Variants in SPG7 observed in about 807,000 individuals in gnomAD.
The protein encoded by SPG7 is SPG7 matrix AAA peptidase subunit, paraplegin, also known as mitochondrial inner membrane m-AAA protease component paraplegin.
A neutral mutation model predicts 81.9 loss-of-function variants in SPG7; 103 were observed. The ratio of observed to expected loss-of-function variants is 1.26; its 90% CI spans 1.07 to 1.48. The LOEUF (loss-of-function observed/expected upper bound fraction) is 1.48. SPG7 is among the 40% of genes most tolerant of loss of function. SPG7 has a pLI of 0.00. For synonymous variants in SPG7, 534 were observed against 444.2 expected (o/e 1.20, Z -2.54); for missense variants, 1,241 against 1,087.3 (o/e 1.14, Z -1.99).
In SPG7 at chr16:89,529,475, A is replaced by T; in HGVS notation, c.759-2A>T. On this transcript the variant is annotated splice_acceptor_variant, in intron 5 of 16. Transcript: ENST00000645818. LOFTEE classifies it high-confidence loss of function. Reference sequence around the variant, plus strand: ...TGTGCCTGCCTCTCTTTCTTCCGGCAGTGCCCTGTACTCTGTGGGGATGAC... The same window carrying T: ...TGTGCCTGCCTCTCTTTCTTCCGGCTGTGCCCTGTACTCTGTGGGGATGAC... 6.2e-7 allele frequency: 1 copy of T among 1,609,184 alleles called. No individual in the cohort carries two copies. The highest frequency in any genetic ancestry group is 8.5e-7 in the Non-Finnish European group (1 of 1,176,228).
At chr16:89,545,549 TGGCTTCTCCAGGGGACAC>T (rs1285035543) in intron 10 of SPG7, 25 of 201,140 alleles carry the variant, frequency 1.2e-4, no homozygotes, top group African/African-American at 4.1e-4. Context: ...CCAGGGGACA[TGGCTTCTCCAGGGGACAC>T]GGCTTCTCCA....
At chr16:89,549,825 C>T (rs2058612148) in intron 12 of SPG7, 2 of 166,098 alleles carry the variant, frequency 1.2e-5, no homozygotes, top group South Asian at 1.5e-4. Context: ...GAGGCCTCTG[C>T]CCATCCTGCC....
chr16:89,510,550 C>T lies in SPG7; in HGVS notation c.244C>T (p.Gln82Ter), dbSNP rs146115797. ...FEGINGLLLK[Q>*]HLVQNPVRLW... is the part of the protein sequence containing the mutation. ...AGGGATCAACGGATTGTTGTTGAAA[C>T]AACATTTAGTTCAGAATCCAGTCAG... The change falls in exon 2 of 17, where the codon CAA becomes TAA. Residue 82 changes from glutamine to a stop codon, truncating the protein, a stop_gained. Coordinates refer to ENST00000645818, the MANE Select transcript of SPG7 (RefSeq NM_003119.4). LOFTEE classifies it high-confidence loss of function. 4.4e-6 allele frequency: 7 copies of T among 1,600,242 alleles called. No homozygotes were observed. In the East Asian group the frequency reaches 1.6e-4, roughly 36 times the overall value.
chr16:89,510,267 G>A (rs1221592013), intron 1 of SPG7, among the ~76,000 whole-genome samples: 3 of 152,108 alleles, frequency 2.0e-5, no homozygotes, highest in Non-Finnish European at 4.4e-5. Flanking sequence ...GAGCCACCAC[G>A]CCTGGCCAAT....
chr16:89,534,399 G>A (rs549206911), intron 9 of SPG7, among the ~76,000 whole-genome samples: 3 of 152,218 alleles, frequency 2.0e-5, no homozygotes, highest in Admixed American at 6.5e-5. Context: ...TTATTTGCCC[G>A]TCGGTGGACA....
rs2058263680 is a variant in SPG7, at chr16:89,526,616, A to G, written c.758+148A>G. On this transcript the variant is annotated intron_variant, in intron 5 of 16. Coordinates refer to ENST00000645818, the MANE Select transcript of SPG7 (RefSeq NM_003119.4). ...GAGGGTTAAATAAATATAGAAGTGA[A>G]TGATACAATGCCAGGAGATTTGGAA... The G allele has an allele frequency of 3.6e-6, 3 of 825,000 alleles. No homozygotes were observed. The African/African-American group carries it at 5.1e-5, about 14-fold the overall frequency. The allele number at this position is 825,000 out of a possible 1,614,324, so 51.1% of individuals were successfully genotyped here.
At chr16:89,555,998 G>GT (rs1390221878) in intron 16 of SPG7, 11 of 398,676 alleles carry the variant, frequency 2.8e-5, no homozygotes, top group Non-Finnish European at 4.4e-5. Flanking sequence ...AGGCCTGCCT[G>GT]TGGACCCATG....
Position 89,524,036 on chromosome 16 carries a change from A to G in SPG7, c.407A>G (p.Gln136Arg). ...AGGAGACGCCGTGAGCGGGACGACC[A>G]GATGTACCGAGAGCGGCTGCGCACC... ...EERRRRERDD[Q>R]MYRERLRTLL... Residue 136 changes from glutamine to arginine, a missense_variant, in exon 4 of 17, where the codon CAG becomes CGG. Coordinates refer to ENST00000645818, the MANE Select transcript of SPG7 (RefSeq NM_003119.4). 1 of 1,613,422 alleles carries G rather than the reference A, an allele frequency of 6.2e-7. No homozygotes were observed. Among genetic ancestry groups the G allele is most frequent in the East Asian group, 2.2e-5 (1 of 44,884 alleles).
chr16:89,540,294 A>G (rs1222741553), intron 9 of SPG7: 1 of 152,180 alleles, frequency 6.6e-6, no homozygotes, highest in African/African-American at 2.4e-5. Context: ...AGCTAGAGTA[A>G]AGAGCAGTGA....
rs1419183366 is a variant in SPG7 at position 89,531,939 on chromosome 16, C to T, written c.1023C>T (p.Val341=). 1 of 1,614,012 alleles carries T rather than the reference C, an allele frequency of 6.2e-7. No homozygotes were observed. The highest frequency in any genetic ancestry group is 8.5e-7 in the Non-Finnish European group (1 of 1,179,978). The change falls in exon 8 of 17, where the codon GTC becomes GTT. Residue 341 remains valine, a synonymous_variant. Transcript: ENST00000645818. ...PERFLQLGAK[V]PKGALLLGPP... ...GCTTCCTCCAGCTTGGCGCCAAGGTCCCAAAGGGCGCACTGCTGCTCGGCC... is the reference window on the plus strand; with the variant it reads ...GCTTCCTCCAGCTTGGCGCCAAGGTTCCAAAGGGCGCACTGCTGCTCGGCC...
intron 11 of SPG7, chr16:89,547,082 C>T: frequency 2.7e-6 from 1 of 364,646 alleles, no homozygotes; most frequent in Non-Finnish European, 5.3e-6. Context: ...CAGAGTCAGA[C>T]CACGCAGTCC....
chr16:89,532,049 T>A lies in SPG7; in HGVS notation c.1133T>A (p.Phe378Tyr). 1 of 1,612,866 alleles carries A rather than the reference T, an allele frequency of 6.2e-7. No individual in the cohort carries two copies. The highest frequency in any genetic ancestry group is 1.1e-5 in the South Asian group (1 of 91,036). Residue 378 changes from phenylalanine to tyrosine, a missense_variant, in exon 8 of 17, where the codon TTC becomes TAC. By Grantham distance (22) the Phe-to-Tyr change is conservative. Transcript: ENST00000645818. ...VPFLAMAGPE[F>Y]VEVIGGLGAA... ...TTCCTGGCGATGGCCGGCCCAGAGT[T>A]CGTGGAGGTCATTGGAGGTAGGTGC... is the stretch of plus-strand genomic sequence containing the variant.
intron 3 of SPG7, among the ~76,000 whole-genome samples, chr16:89,515,716 T>A (rs2058086937): frequency 7.0e-6 from 1 of 142,602 alleles, no homozygotes. Flanking sequence ...ATTATTATTA[T>A]TTTTTTTTTT....
chr16:89,548,230 G>A (rs1340298024), intron 12 of SPG7, 117 bp downstream of exon 12: 8 of 734,732 alleles, frequency 1.1e-5, no homozygotes, highest in African/African-American at 3.4e-5. Flanking sequence ...AGGAACACAC[G>A]TTGCGTTTCA....
At chr16:89,515,394 G>A (rs1167427337) in intron 3 of SPG7, among the ~76,000 whole-genome samples, 1 of 151,462 alleles carries the variant, frequency 6.6e-6, no homozygotes, top group Non-Finnish European at 1.5e-5. Flanking sequence ...TCAGCCTCCT[G>A]AGTAGCTGGG....
intron 11 of SPG7, 23 bp from the exon 12 acceptor site, chr16:89,547,980 A>G (rs2058585612): frequency 6.3e-7 from 1 of 1,591,740 alleles, no homozygotes; most frequent in African/African-American, 1.3e-5. Context: ...ACCCACCCAC[A>G]CCGTGGCTGT....
intron 3 of SPG7, chr16:89,518,574 C>T (rs1055579023): frequency 6.6e-6 from 1 of 151,314 alleles, no homozygotes; most frequent in Non-Finnish European, 1.5e-5. Flanking sequence ...ACTGATAACG[C>T]GGGTGAACCC....
intron 12 of SPG7, chr16:89,550,182 T>TA (rs2058618046): frequency 8.3e-6 from 3 of 363,612 alleles, no homozygotes; most frequent in East Asian, 7.0e-5. Flanking sequence ...TCTTTTTTGT[T>TA]TGTTTTTTGA....
intron 1 of SPG7, among the ~76,000 whole-genome samples, chr16:89,509,546 G>A (rs750889616): frequency 6.6e-6 from 1 of 152,144 alleles, no homozygotes; most frequent in Non-Finnish European, 1.5e-5. Context: ...CACCGCGCCC[G>A]GCCATAAAAC....
Sources: allele counts gnomAD v4.1 joint callset (sites outside exome capture counted in the v4.1 genomes callset), GRCh38; gene constraint gnomAD v4.1.1; transcripts MANE v1.5; gene names NCBI Gene and HGNC (gene_info 2026-07-23, HGNC 2026-07-21).